Variants in KLHDC3 observed in about 807,000 individuals in gnomAD.
KLHDC3 encodes the protein kelch domain-containing protein 3.
In KLHDC3, 5 loss-of-function variants were observed where a neutral mutation model predicts 44.1. The ratio of observed to expected loss-of-function variants is 0.11; its 90% CI spans 0.06 to 0.24. The LOEUF is 0.24. Among genes scored for constraint, KLHDC3 ranks in the 10% least tolerant of loss-of-function variants. KLHDC3 has a pLI of 1.00. For synonymous variants in KLHDC3, 170 were observed against 189.0 expected (o/e 0.90, Z 0.82); for missense variants, 247 against 514.3 (o/e 0.48, Z 5.03).
Position 43,020,648 on chromosome 6 carries a change from C to G in KLHDC3, c.1083-19C>G, listed in dbSNP as rs1373265661. On this transcript the variant is annotated intron_variant, in intron 10 of 10. Transcript: ENST00000326974. ...TGAGGGCCCCCTCTTCTTTCTGTCT[C>G]TTATTGTTGGCCTTCCAGGTGGGAG... 1 of 1,608,076 alleles carries G rather than the reference C, an allele frequency of 6.2e-7. No individual in the cohort carries two copies. The highest frequency in any genetic ancestry group is 1.3e-5 in the African/African-American group (1 of 74,822).
Position 43,018,035 on chromosome 6 carries a change from TG to T in KLHDC3, c.447+69del. 6.8e-7 allele frequency: 1 copy of T among 1,460,016 alleles called. No individual in the cohort carries two copies. The highest frequency in any genetic ancestry group is 9.6e-7 in the Non-Finnish European group (1 of 1,039,820). The allele number at this position is 1,460,016 out of a possible 1,614,324, so 90.4% of individuals were successfully genotyped here. On this transcript the variant is annotated intron_variant, in intron 4 of 10. Transcript: ENST00000326974. The surrounding 1 kb of genome is among the most constrained non-coding windows in gnomAD (Gnocchi z 6.0). ...GAAAGAGGGGAAGGGCAATTTAGGA[TG>T]GTGAAATGGGAGGCTTTGGCTTGTT...
chr6:43,018,586 C>T lies in KLHDC3; in HGVS notation c.733+30C>T. ...GTGTTTGTTACTTCCCTGTGGAGTT[C>T]CCTTCCTGCCCTCTTCACACTCCTG... On this transcript the variant is annotated intron_variant, in intron 6 of 10. Transcript: ENST00000326974. This position sits in a 1 kb window ranked among gnomAD's most constrained non-coding sequence, Gnocchi z 6.0. 1.2e-6 allele frequency: 2 copies of T among 1,611,844 alleles called. No individual in the cohort carries two copies. Among genetic ancestry groups the T allele is most frequent in the Non-Finnish European group, 1.7e-6 (2 of 1,178,002 alleles).
chr6:43,020,811 C>G lies in KLHDC3; in HGVS notation c.*78C>G. ...CTGCCCATCTGTCACCCACCTGCTC[C>G]TTTGACCCCTGGACTTGGTATACCT... On this transcript the variant is annotated 3_prime_UTR_variant, in exon 11 of 11. Coordinates refer to ENST00000326974, the MANE Select transcript of KLHDC3 (RefSeq NM_057161.4). 8.9e-7 allele frequency: 1 copy of G among 1,127,640 alleles called. No homozygotes were observed. Among genetic ancestry groups the G allele is most frequent in the East Asian group, 2.4e-5 (1 of 42,262 alleles). 69.9% of individuals were successfully genotyped at this position (1,127,640 alleles called of 1,614,324 possible).
Position 43,017,548 on chromosome 6 carries a change from G to A in KLHDC3, c.184G>A (p.Val62Met), listed in dbSNP as rs763605092. ...VSLRWTKLPPVKSAIRGQAPV... is the reference protein window; with the variant it reads ...VSLRWTKLPPMKSAIRGQAPV... ...CTTGCGTTGGACAAAGCTGCCCCCG[G>A]TGAAGTCTGCCATCCGTGGGCAAGC... The change falls in exon 3 of 11, where the codon GTG becomes ATG. Residue 62 changes from valine (V) to methionine (M), a missense_variant. Coordinates refer to ENST00000326974, the MANE Select transcript of KLHDC3 (RefSeq NM_057161.4). This position sits in a 1 kb window ranked among gnomAD's most constrained non-coding sequence, Gnocchi z 6.0. 1.1e-5 allele frequency: 18 copies of A among 1,608,774 alleles called. No individual in the cohort carries two copies. Among genetic ancestry groups the A allele is most frequent in the Non-Finnish European group, 1.5e-5 (18 of 1,176,858 alleles).
rs762379570 is a variant in KLHDC3, at chr6:43,017,547, G to A, written c.183G>A (p.Pro61=). The change falls in exon 3 of 11, where the codon CCG becomes CCA. Residue 61 remains proline, a synonymous_variant. Transcript: ENST00000326974. This position sits in a 1 kb window ranked among gnomAD's most constrained non-coding sequence, Gnocchi z 6.0. The stretch of plus-strand genomic sequence containing the variant: ...CCTTGCGTTGGACAAAGCTGCCCCC[G>A]GTGAAGTCTGCCATCCGTGGGCAAG... ...AVSLRWTKLP[P]VKSAIRGQAP... 1.6e-5 allele frequency: 25 copies of A among 1,608,256 alleles called. No homozygotes were observed. Among genetic ancestry groups the A allele is most frequent in the Non-Finnish European group, 1.9e-5 (22 of 1,176,574 alleles).
In KLHDC3 at chr6:43,017,931, G is replaced by A; in HGVS notation, c.410G>A (p.Gly137Asp). 1.2e-6 allele frequency: 2 copies of A among 1,614,082 alleles called. No homozygotes were observed. Among genetic ancestry groups the A allele is most frequent in the Non-Finnish European group, 1.7e-6 (2 of 1,179,988 alleles). Residue 137 changes from glycine (G) to aspartate (D), a missense_variant, in exon 4 of 11, where the codon GGC (glycine) becomes GAC (aspartate). By Grantham distance (94) the Gly-to-Asp change is moderately conservative. Coordinates refer to ENST00000326974, the MANE Select transcript of KLHDC3 (RefSeq NM_057161.4). This position sits in a 1 kb window ranked among gnomAD's most constrained non-coding sequence, Gnocchi z 6.0. ...ARDGHSACVL[G>D]KIMYIFGGYE... ...GATGGACATTCAGCCTGTGTCCTAG[G>A]CAAGATCATGTACATTTTTGGGGGC... is the stretch of plus-strand genomic sequence containing the variant.
chr6:43,021,284 A>C lies in KLHDC3; in HGVS notation c.*551A>C. On this transcript the variant is annotated 3_prime_UTR_variant, in exon 11 of 11. Coordinates refer to ENST00000326974, the MANE Select transcript of KLHDC3 (RefSeq NM_057161.4). ...GCTCAGATTTTATAAAAATTAATTA[A>C]AATCTCCAAACGTGTTGTGTGTTTT... is the stretch of plus-strand genomic sequence containing the variant. 2.7e-6 allele frequency: 1 copy of C among 373,356 alleles called. No homozygotes were observed. Among genetic ancestry groups the C allele is most frequent in the East Asian group, 7.1e-5 (1 of 14,044 alleles). The allele number at this position is 373,356 out of a possible 1,614,324, so 23.1% of individuals were successfully genotyped here. A position where few individuals can be genotyped will look rare whatever the true frequency, so the allele number is the denominator to read the frequency against.
chr6:43,020,614 A>G lies in KLHDC3; in HGVS notation c.1083-53A>G, dbSNP rs1245100021. 3 of 1,439,978 alleles carry G rather than the reference A, an allele frequency of 2.1e-6. No individual in the cohort carries two copies. The African/African-American group carries it at 4.2e-5, about 20-fold the overall frequency. 89.2% of individuals were successfully genotyped at this position (1,439,978 alleles called of 1,614,324 possible). On this transcript the variant is annotated intron_variant, in intron 10 of 10. Transcript: ENST00000326974. Reference sequence around the variant, plus strand: ...TTTTAGCTTGGTTCAAACATCCCTTAGCTTGGGCTGAGGGCCCCCTCTTCT... The same window carrying G: ...TTTTAGCTTGGTTCAAACATCCCTTGGCTTGGGCTGAGGGCCCCCTCTTCT...
chr6:43,018,280 T>A lies in KLHDC3; in HGVS notation c.520-63T>A. The A allele has an allele frequency of 6.3e-7, 1 of 1,578,316 alleles. No individual in the cohort carries two copies. Among genetic ancestry groups the A allele is most frequent in the Non-Finnish European group, 8.7e-7 (1 of 1,148,068 alleles). On this transcript the variant is annotated intron_variant, in intron 5 of 10. Transcript: ENST00000326974. The surrounding 1 kb of genome is among the most constrained non-coding windows in gnomAD (Gnocchi z 6.0). ...GTTGAAGCAATGATAGGAAGCTCAGTCAGAGGAGATCCTCTTCCAGTCTTT... is the reference window on the plus strand; with the variant it reads ...GTTGAAGCAATGATAGGAAGCTCAGACAGAGGAGATCCTCTTCCAGTCTTT...
In KLHDC3 at chr6:43,020,972, C is replaced by G. The variant is rs1428649301; in HGVS notation, c.*239C>G. 1 of 643,960 alleles carries G rather than the reference C, an allele frequency of 1.6e-6. No individual in the cohort carries two copies. The highest frequency in any genetic ancestry group is 2.9e-6 in the Non-Finnish European group (1 of 348,430). 39.9% of individuals were successfully genotyped at this position (643,960 alleles called of 1,614,324 possible). A position where few individuals can be genotyped will look rare whatever the true frequency, so the allele number is the denominator to read the frequency against. On this transcript the variant is annotated 3_prime_UTR_variant, in exon 11 of 11. Transcript: ENST00000326974. The stretch of plus-strand genomic sequence containing the variant: ...TTGGTGCTCTGTCCCCATCCACCTC[C>G]TTTCAGCTGCTCCTGGGCCTCAGCT...
At chr6:43,020,144 A>G (rs572992253) in intron 10 of KLHDC3, among the ~76,000 whole-genome samples, 2 of 152,276 alleles carry the variant, frequency 1.3e-5, no homozygotes, top group Admixed American at 1.3e-4. Flanking sequence ...CCACTGCACC[A>G]CTGTACTCCA....
Position 43,018,126 on chromosome 6 carries a change from C to T in KLHDC3, c.448-19C>T, listed in dbSNP as rs773079023. On this transcript the variant is annotated intron_variant, in intron 4 of 10. Coordinates refer to ENST00000326974, the MANE Select transcript of KLHDC3 (RefSeq NM_057161.4). The surrounding 1 kb of genome is among the most constrained non-coding windows in gnomAD (Gnocchi z 6.0). ...CCATTGGCTCCCTCTTTTCTTCCTC[C>T]TTTTCTCTTCCTACTCAGGCGGACT... 5.1e-5 allele frequency: 81 copies of T among 1,588,480 alleles called. No individual in the cohort carries two copies. The highest frequency in any genetic ancestry group is 6.7e-5 in the Non-Finnish European group (78 of 1,157,054).
At position 43,019,101 on chromosome 6, in the gene KLHDC3, T is replaced by G; in HGVS notation, c.939T>G (p.Pro313=). The G allele has an allele frequency of 6.2e-7, 1 of 1,613,248 alleles. No individual in the cohort carries two copies. Among genetic ancestry groups the G allele is most frequent in the South Asian group, 1.1e-5 (1 of 91,066 alleles). ...IVLFGGTSPS[P]EEGLGDEFDL... is the part of the protein sequence containing the mutation. ...CTTTTGATCCCGACAGTCCATCTCC[T>G]GAGGAAGGCCTGGGAGATGAATTTG... The change falls in exon 9 of 11, where the codon CCT becomes CCG. Residue 313 remains proline (P), a synonymous_variant. Transcript: ENST00000326974.
intron 1 of KLHDC3, chr6:43,016,697 T>C (rs1762585433): frequency 6.2e-6 from 1 of 161,590 alleles, no homozygotes; most frequent in Non-Finnish European, 1.4e-5. Context: ...GGCTGGGCTA[T>C]TAATAGCTGT....
rs568283624 is a variant in KLHDC3 at position 43,019,373 on chromosome 6, C to T, written c.1082+7C>T. Reference sequence around the variant, plus strand: ...GTTTGCCTCATGATATCAGGTACAGCGAGTGGTTGGAAGGGAGGGATTGAG... The same window carrying T: ...GTTTGCCTCATGATATCAGGTACAGTGAGTGGTTGGAAGGGAGGGATTGAG... On this transcript the variant is annotated splice_region_variant and intron_variant, in intron 10 of 10. Transcript: ENST00000326974. 1.1e-5 allele frequency: 18 copies of T among 1,602,430 alleles called. No individual in the cohort carries two copies. The East Asian group carries it at 2.7e-4, about 24-fold the overall frequency.
In KLHDC3 at chr6:43,017,052, G is replaced by T; in HGVS notation, c.-59-82G>T. The T allele has an allele frequency of 1.0e-6, 1 of 962,854 alleles. No individual in the cohort carries two copies. The highest frequency in any genetic ancestry group is 2.4e-5 in the East Asian group (1 of 41,430). 59.6% of individuals were successfully genotyped at this position (962,854 alleles called of 1,614,324 possible). A position where few individuals can be genotyped will look rare whatever the true frequency, so the allele number is the denominator to read the frequency against. ...AGGGCCCCCAGGGTGACACTTGGAG[G>T]CAAAGGCTGGTTCTGGGCAGAGTCA... On this transcript the variant is annotated intron_variant, in intron 1 of 10. Coordinates refer to ENST00000326974, the MANE Select transcript of KLHDC3 (RefSeq NM_057161.4). The surrounding 1 kb of genome is among the most constrained non-coding windows in gnomAD (Gnocchi z 6.0).
Position 43,014,291 on chromosome 6 carries a change from G to A in KLHDC3, c.-117G>A, listed in dbSNP as rs1314246977. On this transcript the variant is annotated 5_prime_UTR_variant, in exon 1 of 11. Coordinates refer to ENST00000326974, the MANE Select transcript of KLHDC3 (RefSeq NM_057161.4). ...CTAAGGCGTCGGTTGGCGCGCAACGGGTTCTAGGCTGCAGGCAGCTCGAGG... is the reference window on the plus strand; with the variant it reads ...CTAAGGCGTCGGTTGGCGCGCAACGAGTTCTAGGCTGCAGGCAGCTCGAGG... 2 of 730,928 alleles carry A rather than the reference G, an allele frequency of 2.7e-6. No individual in the cohort carries two copies. Among genetic ancestry groups the A allele is most frequent in the East Asian group, 2.7e-5 (1 of 36,726 alleles). The allele number at this position is 730,928 out of a possible 1,614,324, so 45.3% of individuals were successfully genotyped here. A position where few individuals can be genotyped will look rare whatever the true frequency, so the allele number is the denominator to read the frequency against.
chr6:43,018,195 A>G lies in KLHDC3; in HGVS notation c.498A>G (p.Thr166=). The change falls in exon 5 of 11, where the codon ACA becomes ACG. Residue 166 remains threonine (T), a synonymous_variant. Transcript: ENST00000326974. This position sits in a 1 kb window ranked among gnomAD's most constrained non-coding sequence, Gnocchi z 6.0. The stretch of plus-strand genomic sequence containing the variant: ...ACAAGCTAGATACCAGCACCATGAC[A>G]TGGACTCTTATCTGTACAAAGGTCT... ...DIHKLDTSTM[T]WTLICTKGSP... 1.9e-6 allele frequency: 3 copies of G among 1,610,236 alleles called. No homozygotes were observed. Among genetic ancestry groups the G allele is most frequent in the Non-Finnish European group, 1.7e-6 (2 of 1,176,580 alleles).
chr6:43,017,186 C>T lies in KLHDC3; in HGVS notation c.-7C>T. 1 of 1,611,228 alleles carries T rather than the reference C, an allele frequency of 6.2e-7. No homozygotes were observed. Among genetic ancestry groups the T allele is most frequent in the Non-Finnish European group, 8.5e-7 (1 of 1,179,262 alleles). The stretch of plus-strand genomic sequence containing the variant: ...GGGGCATGTTGCTGTAACCAGTGGC[C>T]CAGGGGATGTTACGGTGGACAGTGC... On this transcript the variant is annotated 5_prime_UTR_variant, in exon 2 of 11. Coordinates refer to ENST00000326974, the MANE Select transcript of KLHDC3 (RefSeq NM_057161.4). The surrounding 1 kb of genome is among the most constrained non-coding windows in gnomAD (Gnocchi z 6.0).
Sources: allele counts gnomAD v4.1 joint callset (sites outside exome capture counted in the v4.1 genomes callset), GRCh38; gene constraint gnomAD v4.1.1; non-coding constraint Gnocchi (gnomAD v3.1); transcripts MANE v1.5; gene names NCBI Gene and HGNC (gene_info 2026-07-23, HGNC 2026-07-21).